Variants in RGS22 observed in about 807,000 individuals in gnomAD.
RGS22 encodes the protein regulator of G-protein signaling 22.
A neutral mutation model predicts 172.9 loss-of-function variants in RGS22; 148 were observed. The ratio of observed to expected loss-of-function variants is 0.86; its 90% CI spans 0.75 to 0.98. RGS22 has a LOEUF of 0.98. Ranked by LOEUF, RGS22 falls within the 50% of genes least tolerant of loss-of-function variation. The probability of loss-of-function intolerance (pLI) is 0.00; values close to 1 mark genes in which losing one functional copy is unlikely to be tolerated. For missense variants in RGS22, 1,347 were observed against 1,440.8 expected, an observed-to-expected ratio of 0.93 and a Z score of 1.05; for synonymous variants, 458 against 480.2, an observed-to-expected ratio of 0.95 and a Z score of 0.60.
chr8:99,976,014 AC>A (rs1258547033), intron 23 of RGS22, among the ~76,000 whole-genome samples: 1 of 152,042 alleles, frequency 6.6e-6, no homozygotes, highest in Non-Finnish European at 1.5e-5. Flanking sequence ...ACATGGTGAA[AC>A]CCTGTCTCTA....
intron 2 of RGS22, among the ~76,000 whole-genome samples, chr8:100,099,674 A>C (rs1431215257): frequency 1.3e-5 from 2 of 152,226 alleles, no homozygotes; most frequent in Non-Finnish European, 2.9e-5. Context: ...AGTTCCAAAA[A>C]AGCATCAGAG....
chr8:100,084,200 C>T (rs1257032391), intron 3 of RGS22, among the ~76,000 whole-genome samples: 2 of 152,190 alleles, frequency 1.3e-5, no homozygotes, highest in African/African-American at 2.4e-5. Flanking sequence ...TCCATTCCAA[C>T]CTCCTAAAAT....
chr8:99,963,344 A>G (rs909699885), intron 24 of RGS22, among the ~76,000 whole-genome samples: 61 of 152,198 alleles, frequency 4.0e-4, no homozygotes, highest in Non-Finnish European at 5.9e-5. Context: ...CAGTGAATCA[A>G]TGTCAACAAA....
chr8:100,002,057 T>C (rs1354247157), intron 18 of RGS22, 145 bp downstream of exon 18: 4 of 523,718 alleles, frequency 7.6e-6, no homozygotes, highest in Non-Finnish European at 1.3e-5. Flanking sequence ...TGCTCATAAA[T>C]ACCTAAATAA....
At chr8:99,979,855 G>T (rs1250570610) in intron 22 of RGS22, among the ~76,000 whole-genome samples, 1 of 152,148 alleles carries the variant, frequency 6.6e-6, no homozygotes, top group Non-Finnish European at 1.5e-5. Context: ...GGGAAAGTCA[G>T]ACATGAGAAC....
At chr8:100,048,481 G>A (rs1820958868) in intron 10 of RGS22, among the ~76,000 whole-genome samples, 1 of 151,822 alleles carries the variant, frequency 6.6e-6, no homozygotes, top group Non-Finnish European at 1.5e-5. Flanking sequence ...TTTCTAATAC[G>A]TCAACTTCCA....
rs773198055 is a variant in RGS22 at position 100,066,201 on chromosome 8, G to C, written c.690C>G (p.Asn230Lys). Residue 230 changes from asparagine (N) to lysine (K), a missense_variant, in exon 7 of 28, where the codon AAC (asparagine) becomes AAG (lysine). Physicochemically the swap from Asn to Lys is moderately conservative, Grantham distance 94 (BLOSUM62 0). Transcript: ENST00000360863. The stretch of plus-strand genomic sequence containing the variant: ...ATGAAATAGCTGGTGATTTAAGTTT[G>C]TTGTAGGGTACACAACAGGGTAACG... Reference protein sequence around the residue: ...TFSLPCCVPYNKLKSPAISSV... With the variant: ...TFSLPCCVPYKKLKSPAISSV... 1 of 1,613,262 alleles carries C rather than the reference G, an allele frequency of 6.2e-7. No individual in the cohort carries two copies. The highest frequency in any genetic ancestry group is 8.5e-7 in the Non-Finnish European group (1 of 1,179,540).
intron 14 of RGS22, among the ~76,000 whole-genome samples, chr8:100,016,806 C>T (rs1433525639): frequency 6.6e-6 from 1 of 151,528 alleles, no homozygotes; most frequent in East Asian, 1.9e-4. Context: ...TAATAATATA[C>T]CTAATGCTAA....
In RGS22 at chr8:100,053,464, G is replaced by GAA. The variant is rs1255982802; in HGVS notation, c.1515-489_1515-488insTT. ...AGGAAGGAAGGGAGGGAGGGAGAGA[G>GAA]GGAGGGAGGGAGGGAGGAAAGGAAG... is the stretch of plus-strand genomic sequence containing the variant. On this transcript the variant is annotated intron_variant, in intron 9 of 27. Coordinates refer to ENST00000360863, the MANE Select transcript of RGS22 (RefSeq NM_015668.5). Among the ~76,000 whole-genome samples, 1,172 of 146,370 alleles carry GAA rather than the reference G, an allele frequency of 8.0e-3. 21 individuals are homozygous for GAA. Among genetic ancestry groups the GAA allele is most frequent in the East Asian group, 0.038 (191 of 4,968 alleles).
intron 2 of RGS22, among the ~76,000 whole-genome samples, chr8:100,098,837 A>ATT (rs763042158): frequency 7.0e-6 from 1 of 142,710 alleles, no homozygotes; most frequent in Non-Finnish European, 1.5e-5. Flanking sequence ...ACCCCCTTTT[A>ATT]TTTTTTTATT....
At chr8:100,054,716 T>G (rs963873190) in intron 9 of RGS22, among the ~76,000 whole-genome samples, 4 of 152,176 alleles carry the variant, frequency 2.6e-5, no homozygotes, top group Non-Finnish European at 5.9e-5. Flanking sequence ...CAGAAAGCAT[T>G]TGGTATAGAT....
intron 14 of RGS22, among the ~76,000 whole-genome samples, chr8:100,024,612 GA>G (rs1407494727): frequency 2.6e-5 from 4 of 152,154 alleles, no homozygotes; most frequent in Admixed American, 6.5e-5. Context: ...TGTTCATAAA[GA>G]TAGTTTAAGA....
At chr8:99,989,962 C>T (rs1291146028) in intron 20 of RGS22, among the ~76,000 whole-genome samples, 6 of 151,990 alleles carry the variant, frequency 3.9e-5, no homozygotes, top group African/African-American at 9.7e-5. Context: ...TAATGTAAGA[C>T]GATTTAACCT....
intron 1 of RGS22, chr8:100,105,687 G>A (rs1813880259): frequency 3.6e-6 from 2 of 559,594 alleles, no homozygotes; most frequent in Admixed American, 7.4e-5. Flanking sequence ...ACAATATGCA[G>A]AATTAAGCGA....
intron 20 of RGS22, among the ~76,000 whole-genome samples, chr8:99,991,448 G>C (rs576932665): frequency 2.0e-5 from 3 of 152,302 alleles, no homozygotes; most frequent in African/African-American, 7.2e-5. Context: ...GAAAACCATG[G>C]CACGAGAACT....
intron 22 of RGS22, 25 bp from the exon 23 acceptor site, chr8:99,978,100 A>G (rs1366499673): frequency 7.4e-7 from 1 of 1,354,174 alleles, no homozygotes; most frequent in Non-Finnish European, 9.9e-7. Context: ...GTCTAAGATT[A>G]CAATTTTATA....
intron 2 of RGS22, among the ~76,000 whole-genome samples, chr8:100,098,876 ATTTTAT>A (rs1205071087): frequency 1.8e-4 from 4 of 22,806 alleles, no homozygotes; most frequent in African/African-American, 1.0e-3. Flanking sequence ...ATTTTATTTT[ATTTTAT>A]TTTATTTTAT....
intron 7 of RGS22, among the ~76,000 whole-genome samples, chr8:100,065,634 T>A (rs1810485114): frequency 1.3e-5 from 2 of 152,152 alleles, no homozygotes; most frequent in African/African-American, 4.8e-5. Flanking sequence ...TTATGAAAAG[T>A]CAGTATATCC....
chr8:99,977,411 C>T (rs552845733), intron 23 of RGS22, among the ~76,000 whole-genome samples: 2 of 151,926 alleles, frequency 1.3e-5, no homozygotes, highest in Non-Finnish European at 2.9e-5. Flanking sequence ...GCGTGAGGCA[C>T]CGTGTCTGGC....
Sources: gnomAD v4.1 joint callset for allele counts (sites outside exome capture counted in the v4.1 genomes callset) on GRCh38, gnomAD v4.1.1 for gene constraint, MANE v1.5 for transcripts, NCBI Gene and HGNC (gene_info 2026-07-23, HGNC 2026-07-21) for gene names.